The following CRLF2 variants were observed in gnomAD, a reference collection of about 807,000 sequenced individuals.
CRLF2 encodes the protein cytokine receptor like factor 2, also known as cytokine receptor-like factor 2.
A neutral mutation model predicts 38.7 loss-of-function variants in CRLF2; 41 were observed. The ratio of observed to expected loss-of-function variants is 1.06; its 90% CI spans 0.83 to 1.37. The LOEUF (loss-of-function observed/expected upper bound fraction) is 1.37. CRLF2 is among the 40% of genes most tolerant of loss of function. The probability of loss-of-function intolerance (pLI) is 0.00; values close to 1 mark genes in which losing one functional copy is unlikely to be tolerated. For missense variants in CRLF2, 377 were observed against 322.2 expected (o/e 1.17, Z -1.30); for synonymous variants, 140 against 128.8 (o/e 1.09, Z -0.59).
At position 1,190,503 on chromosome X, in the gene CRLF2, C is replaced by CA; in HGVS notation, c.*393dup. On this transcript the variant is annotated 3_prime_UTR_variant, in exon 8 of 8. Transcript: ENST00000400841. ...GAGTGAGACTCTGTCTCAAAACAGA[C>CA]AAAAAATCCTCCGAGAATCCAATGC... 3.9e-6 allele frequency: 1 copy of CA among 254,680 alleles called. No homozygotes were observed. Among genetic ancestry groups the CA allele is most frequent in the Non-Finnish European group, 7.5e-6 (1 of 133,542 alleles). 15.8% of individuals were successfully genotyped at this position (254,680 alleles called of 1,614,324 possible). A position where few individuals can be genotyped will look rare whatever the true frequency, so the allele number is the denominator to read the frequency against.
rs1247954070 is a variant in CRLF2, at chrX:1,195,956, A to G, written c.767+824T>C. On this transcript the variant is annotated intron_variant, in intron 6 of 7. Transcript: ENST00000400841. ...TTAAATATATTTATATATATTTTATATATAAATTAAATATATATTATATAT... is the reference window on the plus strand; with the variant it reads ...TTAAATATATTTATATATATTTTATGTATAAATTAAATATATATTATATAT... 4.1e-4 allele frequency among the ~76,000 whole-genome samples: 58 copies of G among 141,770 alleles called. 1 individual carries two copies. The highest frequency in any genetic ancestry group is 1.5e-3 in the African/African-American group (58 of 39,272). The allele number at this position is 141,770 out of a possible 152,430, so 93.0% of individuals were successfully genotyped here.
At chrX:1,201,268 G>GTGTGTGCC (rs2086599323) in intron 4 of CRLF2, among the ~76,000 whole-genome samples, 1 of 137,074 alleles carries the variant, frequency 7.3e-6, no homozygotes, top group African/African-American at 3.0e-5. Context: ...ACATGACTGT[G>GTGTGTGCC]TGTGTGTGCC....
intron 6 of CRLF2, among the ~76,000 whole-genome samples, chrX:1,194,775 T>A (rs1457685034): frequency 3.3e-5 from 5 of 152,108 alleles, no homozygotes; most frequent in African/African-American, 1.2e-4. Context: ...CTCACGCCTG[T>A]CATCCCAGCA....
At chrX:1,204,534 A>C (rs1476091578) in intron 3 of CRLF2, among the ~76,000 whole-genome samples, 3 of 151,306 alleles carry the variant, frequency 2.0e-5, no homozygotes, top group African/African-American at 7.3e-5. Context: ...GGCCTTATTT[A>C]TTTTTAAATA....
chrX:1,210,036 A>G (rs1433122405), intron 1 of CRLF2, among the ~76,000 whole-genome samples: 5 of 150,202 alleles, frequency 3.3e-5, no homozygotes, highest in Admixed American at 1.3e-4. Flanking sequence ...CTCAGGAGGC[A>G]GAGGTTGTAG....
intron 6 of CRLF2, among the ~76,000 whole-genome samples, chrX:1,195,846 A>T (rs2086464422): frequency 7.5e-6 from 1 of 133,402 alleles, no homozygotes; most frequent in East Asian, 2.1e-4. Flanking sequence ...TTATATATTT[A>T]TATATTTTTA....
intron 4 of CRLF2, among the ~76,000 whole-genome samples, chrX:1,202,193 G>T: frequency 6.6e-6 from 1 of 152,158 alleles, no homozygotes; most frequent in Middle Eastern, 3.4e-3. Context: ...CATATTATTG[G>T]TTCTCTTTCT....
chrX:1,196,241 G>T (rs1257092188), intron 6 of CRLF2, among the ~76,000 whole-genome samples: 1 of 145,034 alleles, frequency 6.9e-6, no homozygotes, highest in Non-Finnish European at 1.5e-5. Flanking sequence ...AGGCTGGAGT[G>T]CAGTGGCGCA....
At chrX:1,192,028 AC>A (rs1455545771) in intron 7 of CRLF2, among the ~76,000 whole-genome samples, 1 of 141,332 alleles carries the variant, frequency 7.1e-6, no homozygotes, top group African/African-American at 2.5e-5. Context: ...ACATGGTGAA[AC>A]CCCATCTCTA....
At chrX:1,195,876 ATATTTTATATAGATTAAATTAAATATG>A (rs1476071685) in intron 6 of CRLF2, among the ~76,000 whole-genome samples, 1 of 140,156 alleles carries the variant, frequency 7.1e-6, no homozygotes, top group Non-Finnish European at 1.5e-5. Context: ...AATTAAATAT[ATATTTTATATAGATTAAATTAAATATG>A]TATTTATATA....
chrX:1,199,330 A>G (rs2086559600), intron 4 of CRLF2, among the ~76,000 whole-genome samples: 1 of 151,640 alleles, frequency 6.6e-6, no homozygotes, highest in Non-Finnish European at 1.5e-5. Flanking sequence ...ACTGAGACAG[A>G]GTCTTGCTCT....
At chrX:1,198,285 C>T (rs745833041) in intron 5 of CRLF2, among the ~76,000 whole-genome samples, 4 of 127,140 alleles carry the variant, frequency 3.1e-5, no homozygotes, top group Non-Finnish European at 3.3e-5. Context: ...CCCAGGAAGG[C>T]AGGACACCCT....
chrX:1,194,100 G>T (rs1305395825), intron 6 of CRLF2, among the ~76,000 whole-genome samples: 7 of 151,968 alleles, frequency 4.6e-5, no homozygotes, highest in Non-Finnish European at 8.8e-5. Flanking sequence ...TCTCCAGCCA[G>T]GGCAACAGAC....
intron 3 of CRLF2, 136 bp downstream of exon 3, chrX:1,206,297 G>C (rs541985550): frequency 9.2e-6 from 7 of 758,488 alleles, no homozygotes; most frequent in Admixed American, 2.2e-5. Context: ...GTACTGAAAG[G>C]CATGGTGAGC....
At chrX:1,210,276 A>G (rs1280795569) in intron 1 of CRLF2, among the ~76,000 whole-genome samples, 1 of 152,136 alleles carries the variant, frequency 6.6e-6, no homozygotes, top group African/African-American at 2.4e-5. Context: ...TTTAGAATTG[A>G]GCAAACATGT....
In CRLF2 at chrX:1,190,793, G is replaced by A. The variant is rs1179294059; in HGVS notation, c.*104C>T. The A allele has an allele frequency of 3.3e-5, 13 of 398,508 alleles. No individual in the cohort carries two copies. The highest frequency in any genetic ancestry group is 1.3e-4 in the South Asian group (1 of 7,820). 24.7% of individuals were successfully genotyped at this position (398,508 alleles called of 1,614,324 possible). The stretch of plus-strand genomic sequence containing the variant: ...GTCTCCTAGTCCTACCATCATTGGC[G>A]TGGAGACTTCCCATCCATGGTGGTG... On this transcript the variant is annotated 3_prime_UTR_variant, in exon 8 of 8. Coordinates refer to ENST00000400841, the MANE Select transcript of CRLF2 (RefSeq NM_022148.4).
intron 2 of CRLF2, 59 bp from the exon 3 acceptor site, chrX:1,206,658 T>C: frequency 1.3e-6 from 2 of 1,535,030 alleles, no homozygotes; most frequent in Non-Finnish European, 1.8e-6. Context: ...CTTATTTATT[T>C]AGAGATGGGG....
At chrX:1,206,297 G>A (rs541985550) in intron 3 of CRLF2, 136 bp downstream of exon 3, 18 of 758,488 alleles carry the variant, frequency 2.4e-5, no homozygotes, top group Middle Eastern at 3.7e-4. Context: ...GTACTGAAAG[G>A]CATGGTGAGC....
intron 4 of CRLF2, 190 bp from the exon 5 acceptor site, chrX:1,198,914 T>C (rs1381519257): frequency 6.4e-6 from 4 of 629,402 alleles, no homozygotes; most frequent in Admixed American, 2.7e-5. Context: ...TTTGGGAGGC[T>C]GAGGCGGGTG....
Sources: gnomAD v4.1 joint callset for allele counts (sites outside exome capture counted in the v4.1 genomes callset) on GRCh38, gnomAD v4.1.1 for gene constraint, MANE v1.5 for transcripts, NCBI Gene and HGNC (gene_info 2026-07-23, HGNC 2026-07-21) for gene names.